The following PARPBP variants were observed in gnomAD, a reference collection of about 807,000 sequenced individuals.
PARPBP encodes the protein PARP1 binding protein, also known as PCNA-interacting partner.
A neutral mutation model predicts 50.0 loss-of-function variants in PARPBP; 52 were observed. That is an observed-to-expected ratio of 1.04 (90% CI 0.83 to 1.31). PARPBP has a LOEUF of 1.31. Ranked by LOEUF, PARPBP falls within the 50% of genes most tolerant of loss-of-function variation. The pLI, the probability that PARPBP is intolerant of heterozygous loss-of-function variation, is 0.00. For missense variants in PARPBP, 697 were observed against 672.0 expected (o/e 1.04, Z -0.41); for synonymous variants, 244 against 232.1 (o/e 1.05, Z -0.47).
intron 8 of PARPBP, among the ~76,000 whole-genome samples, chr12:102,181,955 C>T (rs557054021): frequency 1.6e-4 from 24 of 152,170 alleles, no homozygotes; most frequent in African/African-American, 3.9e-4. Flanking sequence ...CCTTTCATAA[C>T]GGCACTAATC....
intron 3 of PARPBP, among the ~76,000 whole-genome samples, chr12:102,152,209 G>T (rs567589574): frequency 7.4e-4 from 112 of 152,252 alleles, no homozygotes; most frequent in African/African-American, 2.4e-3. Context: ...GGCAGCCCCT[G>T]TTCGAAATCT....
intron 2 of PARPBP, among the ~76,000 whole-genome samples, chr12:102,124,695 T>C (rs1403881910): frequency 6.6e-6 from 1 of 152,222 alleles, no homozygotes. Flanking sequence ...TGGTATGAAC[T>C]TGGCAAAGAT....
intron 6 of PARPBP, among the ~76,000 whole-genome samples, chr12:102,170,888 TTC>T (rs545727352): frequency 7.2e-4 from 109 of 151,714 alleles, no homozygotes; most frequent in Middle Eastern, 6.8e-3. Flanking sequence ...CTATATGCTT[TTC>T]TCTGTTTAAT....
At chr12:102,171,196 T>C (rs1275900777) in intron 6 of PARPBP, among the ~76,000 whole-genome samples, 1 of 151,934 alleles carries the variant, frequency 6.6e-6, no homozygotes, top group African/African-American at 2.4e-5. Flanking sequence ...AAAATAATGA[T>C]AAAAGGTATA....
chr12:102,166,672 A>ACCT (rs1002657226), intron 6 of PARPBP, among the ~76,000 whole-genome samples: 2 of 152,166 alleles, frequency 1.3e-5, no homozygotes, highest in Non-Finnish European at 2.9e-5. Flanking sequence ...GCCCTAGGTT[A>ACCT]TATTAAGTAG....
At chr12:102,123,443 A>G (rs1192908162) in intron 1 of PARPBP, among the ~76,000 whole-genome samples, 1 of 152,074 alleles carries the variant, frequency 6.6e-6, no homozygotes, top group Non-Finnish European at 1.5e-5. Flanking sequence ...AAAGGGTAGA[A>G]AAATAGGCCA....
rs763444708 is a variant in PARPBP, at chr12:102,154,784, C to T, written c.495+808C>T. 2.1e-5 allele frequency: 9 copies of T among 436,700 alleles called. No homozygotes were observed. In the East Asian group the frequency reaches 3.5e-4, roughly 17 times the overall value. The allele number at this position is 436,700 out of a possible 1,614,324, so 27.1% of individuals were successfully genotyped here. A position where few individuals can be genotyped will look rare whatever the true frequency, so the allele number is the denominator to read the frequency against. ...GCTGTCTTTTGTGGAGGAAAATTTG[C>T]GTTTGTAAAGGATATCAATTAACTA... is the stretch of plus-strand genomic sequence containing the variant. On this transcript the variant is annotated intron_variant, in intron 4 of 10. Coordinates refer to ENST00000327680, the MANE Select transcript of PARPBP (RefSeq NM_017915.5).
chr12:102,147,463 A>G (rs1171748079), intron 2 of PARPBP, among the ~76,000 whole-genome samples: 1 of 151,412 alleles, frequency 6.6e-6, no homozygotes, highest in Non-Finnish European at 1.5e-5. Context: ...AACTATCGCA[A>G]GGACAAAAAA....
At chr12:102,145,011 G>A (rs1339168253) in intron 2 of PARPBP, among the ~76,000 whole-genome samples, 1 of 152,016 alleles carries the variant, frequency 6.6e-6, no homozygotes. Context: ...AGGACAATGA[G>A]GATAATTTTT....
chr12:102,134,328 G>A (rs944674082), intron 2 of PARPBP, among the ~76,000 whole-genome samples: 7 of 151,028 alleles, frequency 4.6e-5, no homozygotes, highest in African/African-American at 1.5e-4. Context: ...TGAACAATTT[G>A]TATGCCAACA....
intron 6 of PARPBP, among the ~76,000 whole-genome samples, chr12:102,171,840 G>A (rs955459721): frequency 6.6e-6 from 1 of 151,036 alleles, no homozygotes; most frequent in Non-Finnish European, 1.5e-5. Flanking sequence ...CTGCTGTCCA[G>A]CCTGGGCAAC....
intron 9 of PARPBP, among the ~76,000 whole-genome samples, chr12:102,189,677 T>A (rs1044103317): frequency 3.2e-4 from 48 of 152,206 alleles, no homozygotes; most frequent in African/African-American, 1.2e-3. Context: ...GATGAAAGTA[T>A]TAAATTGCCT....
intron 4 of PARPBP, among the ~76,000 whole-genome samples, chr12:102,158,450 A>G (rs920109762): frequency 6.6e-5 from 10 of 152,232 alleles, no homozygotes; most frequent in Non-Finnish European, 5.9e-5. Context: ...AGCTGCTTCA[A>G]GCAGGTTTTT....
chr12:102,155,717 A>G (rs1418745195), intron 4 of PARPBP, among the ~76,000 whole-genome samples: 1 of 151,808 alleles, frequency 6.6e-6, no homozygotes, highest in African/African-American at 2.4e-5. Flanking sequence ...AAATCTTGCA[A>G]CTGCACACTC....
rs896621089 is a variant in PARPBP, at chr12:102,197,458, A to C, written c.*1167A>C. The stretch of plus-strand genomic sequence containing the variant: ...TATAAAAGTATCAGTTTTACTTTTC[A>C]GAGGATTTGTAAGAATCATTTAAAT... On this transcript the variant is annotated 3_prime_UTR_variant, in exon 11 of 11. Transcript: ENST00000327680. The C allele has an allele frequency of 7.0e-7, 1 of 1,429,138 alleles. No individual in the cohort carries two copies. The highest frequency in any genetic ancestry group is 2.0e-5 in the Admixed American group (1 of 48,792). 88.5% of individuals were successfully genotyped at this position (1,429,138 alleles called of 1,614,324 possible). A position where few individuals can be genotyped will look rare whatever the true frequency, so the allele number is the denominator to read the frequency against.
intron 9 of PARPBP, 50 bp downstream of exon 9, chr12:102,182,677 G>A (rs149720087): frequency 6.9e-5 from 84 of 1,222,952 alleles, no homozygotes; most frequent in Admixed American, 1.8e-4. Context: ...TTTATTTTTA[G>A]AAGAAATAAA....
chr12:102,177,363 TGTCATGGAGTTTAAGAAGAGA>T (rs1889383063), intron 7 of PARPBP, among the ~76,000 whole-genome samples: 5 of 152,200 alleles, frequency 3.3e-5, no homozygotes. Flanking sequence ...GCCTCTATTT[TGTCATGGAGTTTAAGAAGAGA>T]GTTCAAGCAC....
At chr12:102,169,645 CT>C (rs1168941228) in intron 6 of PARPBP, among the ~76,000 whole-genome samples, 3 of 152,100 alleles carry the variant, frequency 2.0e-5, no homozygotes, top group Non-Finnish European at 4.4e-5. Context: ...TTGTCTGGAC[CT>C]TTTCACGTGT....
At chr12:102,137,038 T>C (rs1305417232) in intron 2 of PARPBP, among the ~76,000 whole-genome samples, 1 of 152,116 alleles carries the variant, frequency 6.6e-6, no homozygotes, top group Non-Finnish European at 1.5e-5. Context: ...CACTGTAAAC[T>C]CCGCCTCCTG....
Sources: gnomAD v4.1 joint callset for allele counts (sites outside exome capture counted in the v4.1 genomes callset) on GRCh38, gnomAD v4.1.1 for gene constraint, MANE v1.5 for transcripts, NCBI Gene and HGNC (gene_info 2026-07-23, HGNC 2026-07-21) for gene names.